The following IGF1R variants were observed in gnomAD, a reference collection of about 807,000 sequenced individuals.
IGF1R encodes the protein insulin-like growth factor 1 receptor.
IGF1R carries 44 observed loss-of-function variants against 144.6 expected under a neutral mutation model. That is an observed-to-expected ratio of 0.30 (90% CI 0.24 to 0.39). The LOEUF is 0.39. IGF1R is among the 10% of genes least tolerant of loss of function. The probability of loss-of-function intolerance (pLI) is 1.00; values close to 1 mark genes in which losing one functional copy is unlikely to be tolerated. For missense variants in IGF1R, 1,355 were observed against 1,833.7 expected (o/e 0.74, Z 4.77); for synonymous variants, 795 against 722.8 (o/e 1.10, Z -1.60).
chr15:98,812,776 T>C (rs2056617756), intron 2 of IGF1R, among the ~76,000 whole-genome samples: 1 of 152,234 alleles, frequency 6.6e-6, no homozygotes, highest in Non-Finnish European at 1.5e-5. Flanking sequence ...TCTTGGAATT[T>C]CTTACGTATT....
At chr15:98,926,731 T>C (rs1305389869) in intron 13 of IGF1R, among the ~76,000 whole-genome samples, 1 of 152,240 alleles carries the variant, frequency 6.6e-6, no homozygotes, top group Admixed American at 6.5e-5. Context: ...GCCAACATTT[T>C]ATGTGCCTGG....
At chr15:98,783,261 A>G (rs1370874902) in intron 2 of IGF1R, among the ~76,000 whole-genome samples, 1 of 152,242 alleles carries the variant, frequency 6.6e-6, no homozygotes, top group Non-Finnish European at 1.5e-5. Context: ...TGACGTTAAT[A>G]TAGTAAGGAT....
At chr15:98,931,584 AAT>A (rs1250410924) in intron 15 of IGF1R, among the ~76,000 whole-genome samples, 1 of 151,976 alleles carries the variant, frequency 6.6e-6, no homozygotes. Context: ...TTTTAATAGT[AAT>A]ATATATATAC....
intron 2 of IGF1R, among the ~76,000 whole-genome samples, chr15:98,880,470 CTT>C (rs2013314950): frequency 6.6e-6 from 1 of 152,178 alleles, no homozygotes; most frequent in South Asian, 2.1e-4. Flanking sequence ...GCAATTATTT[CTT>C]TTGCTCATTA....
intron 2 of IGF1R, among the ~76,000 whole-genome samples, chr15:98,735,392 G>A (rs45564837): frequency 0.01 from 1,564 of 152,320 alleles, 14 homozygotes; most frequent in Middle Eastern, 0.034. Context: ...GATCCAGGTG[G>A]TAGCAAAAGG....
chr15:98,811,789 G>T (rs1365822928), intron 2 of IGF1R, among the ~76,000 whole-genome samples: 9 of 151,944 alleles, frequency 5.9e-5, no homozygotes, highest in Admixed American at 2.6e-4. Flanking sequence ...CTCTGGGCGT[G>T]TTGGCGGGCG....
intron 18 of IGF1R, among the ~76,000 whole-genome samples, chr15:98,942,036 T>C (rs1296659884): frequency 2.6e-5 from 4 of 152,200 alleles, no homozygotes; most frequent in Admixed American, 6.5e-5. Context: ...GTGGGAGGAT[T>C]ATGTTGAAAA....
At chr15:98,814,036 C>T (rs992482466) in intron 2 of IGF1R, among the ~76,000 whole-genome samples, 5 of 152,162 alleles carry the variant, frequency 3.3e-5, no homozygotes, top group Non-Finnish European at 7.3e-5. Context: ...CAAGCAAATG[C>T]AAAAGCTTCT....
At chr15:98,771,373 C>T (rs1032124314) in intron 2 of IGF1R, among the ~76,000 whole-genome samples, 1 of 152,196 alleles carries the variant, frequency 6.6e-6, no homozygotes, top group African/African-American at 2.4e-5. Context: ...ATTCCACCCT[C>T]TCTCCCCTTC....
rs2017344214 is a variant in IGF1R at position 98,964,342 on chromosome 15, T to C, written c.*6900T>C. The stretch of plus-strand genomic sequence containing the variant: ...TCAGTAGATGAAAAAAATTTCAAAA[T>C]GTTTTTGTATATTCTGTTGTAAGAA... On this transcript the variant is annotated 3_prime_UTR_variant, in exon 21 of 21. Coordinates refer to ENST00000650285, the MANE Select transcript of IGF1R (RefSeq NM_000875.5). The C allele has an allele frequency of 4.3e-6, 1 of 230,878 alleles. No homozygotes were observed. Among genetic ancestry groups the C allele is most frequent in the Non-Finnish European group, 8.6e-6 (1 of 116,546 alleles). The allele number at this position is 230,878 out of a possible 1,614,324, so 14.3% of individuals were successfully genotyped here.
At chr15:98,834,405 C>T (rs1402082612) in intron 2 of IGF1R, among the ~76,000 whole-genome samples, 3 of 152,212 alleles carry the variant, frequency 2.0e-5, no homozygotes, top group Non-Finnish European at 4.4e-5. Context: ...TCAGCAATAT[C>T]ATCAGAGCTT....
intron 2 of IGF1R, among the ~76,000 whole-genome samples, chr15:98,886,978 T>C (rs2013672739): frequency 6.6e-6 from 1 of 152,202 alleles, no homozygotes; most frequent in Admixed American, 6.5e-5. Context: ...CCTTTTGACC[T>C]TCCCCTCTTC....
intron 20 of IGF1R, among the ~76,000 whole-genome samples, chr15:98,949,280 A>C (rs976067213): frequency 6.6e-6 from 1 of 151,890 alleles, no homozygotes; most frequent in Non-Finnish European, 1.5e-5. Flanking sequence ...TGCTCTCCGG[A>C]GCTTCATCCG....
intron 2 of IGF1R, among the ~76,000 whole-genome samples, chr15:98,768,942 C>A (rs1206647485): frequency 6.6e-6 from 1 of 151,488 alleles, no homozygotes; most frequent in South Asian, 2.1e-4. Context: ...ACAACAACAA[C>A]AACAACAACA....
intron 2 of IGF1R, among the ~76,000 whole-genome samples, chr15:98,753,291 A>G (rs991619049): frequency 6.9e-6 from 1 of 145,658 alleles, no homozygotes; most frequent in East Asian, 2.0e-4. Context: ...ATCTCGGCTC[A>G]CTGCAGCCTT....
At position 98,938,734 on chromosome 15, in the gene IGF1R, A is replaced by T. The variant is rs553144136; in HGVS notation, c.3298-467A>T. Among the ~76,000 whole-genome samples the T allele has an allele frequency of 1.6e-4, 24 of 152,344 alleles. 1 individual carries two copies. Among genetic ancestry groups the T allele is most frequent in the East Asian group, 9.6e-4 (5 of 5,184 alleles). ...ATTTATAACGATGCTCTTATGGGAA[A>T]TAAAATATACCATGTCCATTTGGAA... On this transcript the variant is annotated intron_variant, in intron 17 of 20. Coordinates refer to ENST00000650285, the MANE Select transcript of IGF1R (RefSeq NM_000875.5).
intron 2 of IGF1R, among the ~76,000 whole-genome samples, chr15:98,785,767 TC>T (rs2055977855): frequency 1.3e-5 from 2 of 152,172 alleles, no homozygotes; most frequent in South Asian, 4.2e-4. Context: ...CAGGAAGTGA[TC>T]CCCACCCACC....
At chr15:98,926,533 A>T (rs180879883) in intron 13 of IGF1R, among the ~76,000 whole-genome samples, 66 of 146,654 alleles carry the variant, frequency 4.5e-4, no homozygotes, top group Non-Finnish European at 7.8e-4. Flanking sequence ...ATGTATGCAT[A>T]TTTCAAAACA....
chr15:98,852,460 A>G (rs1231513168), intron 2 of IGF1R, among the ~76,000 whole-genome samples: 1 of 152,088 alleles, frequency 6.6e-6, no homozygotes, highest in African/African-American at 2.4e-5. Flanking sequence ...GGGAAATTCC[A>G]CCTTTCCGCG....
Sources: allele counts gnomAD v4.1 joint callset (sites outside exome capture counted in the v4.1 genomes callset), GRCh38; gene constraint gnomAD v4.1.1; transcripts MANE v1.5; gene names NCBI Gene and HGNC (gene_info 2026-07-23, HGNC 2026-07-21).